The following UFL1 variants were observed in gnomAD, a reference collection of about 807,000 sequenced individuals.
The protein encoded by UFL1 is UFM1 specific ligase 1.
A neutral mutation model predicts 99.3 loss-of-function variants in UFL1; 78 were observed. That is an observed-to-expected ratio of 0.79 (90% CI 0.65 to 0.95). UFL1 has a LOEUF of 0.95. Ranked by LOEUF, UFL1 falls within the 40% of genes least tolerant of loss-of-function variation. The probability of loss-of-function intolerance (pLI) is 0.00; values close to 1 mark genes in which losing one functional copy is unlikely to be tolerated. For missense variants in UFL1, 936 were observed against 937.0 expected (o/e 1.00, Z 0.01); for synonymous variants, 335 against 322.2 (o/e 1.04, Z -0.42).
chr6:96,545,835 A>G (rs959308808), intron 12 of UFL1, among the ~76,000 whole-genome samples: 4 of 151,276 alleles, frequency 2.6e-5, no homozygotes, highest in Non-Finnish European at 4.4e-5. Context: ...TTCATGATAA[A>G]AATCTTCAGA....
At chr6:96,548,974 T>A (rs1157268056) in intron 13 of UFL1, among the ~76,000 whole-genome samples, 2 of 151,702 alleles carry the variant, frequency 1.3e-5, no homozygotes, top group South Asian at 2.1e-4. Flanking sequence ...AGTTTTCACA[T>A]GTAAAAAAAT....
Position 96,534,340 on chromosome 6 carries a change from A to T in UFL1, c.655+19A>T. ...CTTTACTGTGAGTTTGGTTTAAATT[A>T]TATTTACTTAATTAGCTGCTGAATA... On this transcript the variant is annotated intron_variant, in intron 7 of 18. Coordinates refer to ENST00000369278, the MANE Select transcript of UFL1 (RefSeq NM_015323.5). The T allele has an allele frequency of 6.6e-7, 1 of 1,522,160 alleles. No individual in the cohort carries two copies. The highest frequency in any genetic ancestry group is 8.9e-7 in the Non-Finnish European group (1 of 1,124,728). 94.3% of individuals were successfully genotyped at this position (1,522,160 alleles called of 1,614,324 possible).
rs192562878 is a variant in UFL1 at position 96,537,513 on chromosome 6, A to G, written c.942A>G (p.Glu314=). 2.7e-5 allele frequency: 44 copies of G among 1,606,048 alleles called. No individual in the cohort carries two copies. Among genetic ancestry groups the G allele is most frequent in the Non-Finnish European group, 3.5e-5 (41 of 1,176,706 alleles). The change falls in exon 9 of 19, where the codon GAA becomes GAG. Residue 314 remains glutamate, a synonymous_variant. Transcript: ENST00000369278. ...TGGATCAAGTGGAAGCATCAGTAGA[A>G]GAAGCCATCAGCTCTGGAACATGGG... ...GLVDQVEASV[E]EAISSGTWVD...
In UFL1 at chr6:96,542,990, A is replaced by T. The variant is rs774885866; in HGVS notation, c.1376A>T (p.Asp459Val). 5.0e-6 allele frequency: 8 copies of T among 1,598,270 alleles called. No homozygotes were observed. Among genetic ancestry groups the T allele is most frequent in the South Asian group, 1.1e-5 (1 of 88,802 alleles). ...KKKGRKDDDSDDESQSSHTGK... is the reference protein window; with the variant it reads ...KKKGRKDDDSVDESQSSHTGK... ...AAAGGAAGAAAAGATGATGATAGTG[A>T]TGATGAATCTCAATCATCCCACACT... Residue 459 changes from aspartate (D) to valine (V), a missense_variant, in exon 12 of 19, where the codon GAT becomes GTT. Physicochemically the swap from Asp to Val is radical, Grantham distance 152 (BLOSUM62 -3). Coordinates refer to ENST00000369278, the MANE Select transcript of UFL1 (RefSeq NM_015323.5).
At chr6:96,533,312 AG>A (rs1769808083) in intron 6 of UFL1, among the ~76,000 whole-genome samples, 1 of 152,140 alleles carries the variant, frequency 6.6e-6, no homozygotes, top group Non-Finnish European at 1.5e-5. Context: ...AAATGTTCAT[AG>A]GAGCATTATC....
chr6:96,528,556 A>C lies in UFL1; in HGVS notation c.520A>C (p.Arg174=). The change falls in exon 6 of 19, where the codon AGA becomes CGA. Residue 174 remains arginine, a synonymous_variant. Coordinates refer to ENST00000369278, the MANE Select transcript of UFL1 (RefSeq NM_015323.5). The stretch of plus-strand genomic sequence containing the variant: ...CAGTGGACATATTGATCTTGATAAT[A>C]GAGGAGTAATTTTTACGGAAGCTTT... ...IISGHIDLDN[R]GVIFTEAFVA... 3.1e-6 allele frequency: 5 copies of C among 1,613,950 alleles called. No homozygotes were observed. In the Middle Eastern group the frequency reaches 4.9e-4, roughly 160 times the overall value.
intron 12 of UFL1, among the ~76,000 whole-genome samples, chr6:96,546,317 G>C (rs1287375642): frequency 6.9e-6 from 1 of 144,364 alleles, no homozygotes; most frequent in Non-Finnish European, 1.5e-5. Context: ...CAAAGAAATA[G>C]AAGATCTCTA....
chr6:96,531,244 TAC>T (rs1332199140), intron 6 of UFL1, among the ~76,000 whole-genome samples: 5 of 145,888 alleles, frequency 3.4e-5, no homozygotes, highest in African/African-American at 1.3e-4. Flanking sequence ...GAGATACATA[TAC>T]ACATGTACAT....
rs766797726 is a variant in UFL1, at chr6:96,534,282, T to C, written c.616T>C (p.Leu206=). The change falls in exon 7 of 19, where the codon TTG becomes CTG. Residue 206 remains leucine, a synonymous_variant. Transcript: ENST00000369278. ...ATAAAGGCCTACAGCTGTGAATTCT[T>C]TGATTTCAAAATATGGATTTCAGGA... ...AITRPTAVNS[L]ISKYGFQEQL... 3.8e-6 allele frequency: 6 copies of C among 1,581,778 alleles called. No homozygotes were observed. Among genetic ancestry groups the C allele is most frequent in the Non-Finnish European group, 3.4e-6 (4 of 1,167,614 alleles).
rs372749460 is a variant in UFL1, at chr6:96,549,584, C to G, written c.1687+6C>G. The G allele has an allele frequency of 1.2e-4, 187 of 1,597,296 alleles. No individual in the cohort carries two copies. The highest frequency in any genetic ancestry group is 1.5e-4 in the Non-Finnish European group (171 of 1,173,656). On this transcript the variant is annotated splice_donor_region_variant and intron_variant, in intron 14 of 18. Coordinates refer to ENST00000369278, the MANE Select transcript of UFL1 (RefSeq NM_015323.5). ...AGGGATGAAGTTTTTTGCAGGTATA[C>G]TTAATCTTTGTTAATCTTGTTTTTT...
At chr6:96,552,980 T>TA (rs1228557484) in intron 18 of UFL1, among the ~76,000 whole-genome samples, 10 of 152,064 alleles carry the variant, frequency 6.6e-5, no homozygotes, top group African/African-American at 1.7e-4. Context: ...CCCTTTTAGC[T>TA]AAAAAACCCC....
In UFL1 at chr6:96,540,499, T is replaced by C. The variant is rs562656949; in HGVS notation, c.1159-36T>C. 3 of 1,582,038 alleles carry C rather than the reference T, an allele frequency of 1.9e-6. No homozygotes were observed. In the African/African-American group the frequency reaches 4.1e-5, roughly 22 times the overall value. On this transcript the variant is annotated intron_variant, in intron 10 of 18. Coordinates refer to ENST00000369278, the MANE Select transcript of UFL1 (RefSeq NM_015323.5). Reference sequence around the variant, plus strand: ...CTTTTATGCTTTTGGAAATGCTATGTGTTTTTCCTACCAAAAAAAGCATGT... The same window carrying C: ...CTTTTATGCTTTTGGAAATGCTATGCGTTTTTCCTACCAAAAAAAGCATGT...
chr6:96,545,763 C>T (rs1010600676), intron 12 of UFL1, among the ~76,000 whole-genome samples: 2 of 151,052 alleles, frequency 1.3e-5, no homozygotes, highest in African/African-American at 2.4e-5. Flanking sequence ...TTCTGATTGA[C>T]TTATAGAAAA....
chr6:96,553,311 T>C lies in UFL1; in HGVS notation c.2193T>C (p.Tyr731=), dbSNP rs1770108284. The change falls in exon 19 of 19, where the codon TAT becomes TAC. Residue 731 remains tyrosine (Y), a synonymous_variant. Transcript: ENST00000369278. ...ATCAGCATGCTCTTTTGGTAAAGTA[T>C]CAAGGTTTGGTTGTAAAGCAGCTAG... ...PEDQHALLVK[Y]QGLVVKQLVS... 1.2e-6 allele frequency: 2 copies of C among 1,613,546 alleles called. No homozygotes were observed. The highest frequency in any genetic ancestry group is 1.1e-5 in the South Asian group (1 of 91,070).
chr6:96,526,950 G>A (rs1769712389), intron 5 of UFL1, among the ~76,000 whole-genome samples: 1 of 152,136 alleles, frequency 6.6e-6, no homozygotes, highest in African/African-American at 2.4e-5. Flanking sequence ...CCAACTGTCA[G>A]TAATGCCAAC....
chr6:96,551,970 C>T (rs372425372), intron 17 of UFL1, 47 bp downstream of exon 17: 39 of 1,369,210 alleles, frequency 2.8e-5, no homozygotes, highest in South Asian at 2.8e-4. Flanking sequence ...AAATGTGGAG[C>T]CTTTCATATC....
At chr6:96,548,349 C>A in intron 13 of UFL1, 68 bp downstream of exon 13, 1 of 1,039,464 alleles carries the variant, frequency 9.6e-7, no homozygotes, top group East Asian at 2.7e-5. Context: ...AAGATTTTTT[C>A]CAAGATCATA....
intron 11 of UFL1, among the ~76,000 whole-genome samples, chr6:96,542,180 AG>A (rs1348002327): frequency 2.6e-5 from 4 of 151,358 alleles, no homozygotes; most frequent in Non-Finnish European, 5.9e-5. Context: ...ATGCTGAAGT[AG>A]TATTTTTTAT....
At chr6:96,552,364 A>AT in intron 17 of UFL1, 118 bp from the exon 18 acceptor site, 1 of 1,180,646 alleles carries the variant, frequency 8.5e-7, no homozygotes, top group Non-Finnish European at 1.1e-6. Context: ...GTTACCTTAA[A>AT]TTTTTATGGA....
Sources: allele counts gnomAD v4.1 joint callset (sites outside exome capture counted in the v4.1 genomes callset), GRCh38; gene constraint gnomAD v4.1.1; transcripts MANE v1.5; gene names NCBI Gene and HGNC (gene_info 2026-07-23, HGNC 2026-07-21).